Variants in NUP98 observed in about 807,000 individuals in gnomAD.
The protein encoded by NUP98 is nuclear pore complex protein Nup98-Nup96.
Under a neutral mutation model 191.9 loss-of-function variants are expected in NUP98, and 26 were observed. The observed-to-expected ratio is 0.14, with a 90% CI of 0.10 to 0.19. The LOEUF (loss-of-function observed/expected upper bound fraction) is 0.19. Among genes scored for constraint, NUP98 ranks in the 10% least tolerant of loss-of-function variants. The pLI, the probability that NUP98 is intolerant of heterozygous loss-of-function variation, is 1.00. For missense variants in NUP98, 1,941 were observed against 2,178.8 expected (o/e 0.89, Z 2.17); for synonymous variants, 808 against 778.4 (o/e 1.04, Z -0.63).
At chr11:3,753,112 G>A (rs1238083892) in intron 11 of NUP98, among the ~76,000 whole-genome samples, 1 of 152,142 alleles carries the variant, frequency 6.6e-6, no homozygotes, top group Non-Finnish European at 1.5e-5. Flanking sequence ...GTAGAAAAGG[G>A]AGCATACAGC....
chr11:3,743,945 G>C (rs1296705812), intron 12 of NUP98, among the ~76,000 whole-genome samples: 1 of 152,046 alleles, frequency 6.6e-6, no homozygotes, highest in African/African-American at 2.4e-5. Context: ...TGTAATCCCA[G>C]CTACTCAGGA....
At chr11:3,786,197 G>GA (rs1444509956) in intron 1 of NUP98, among the ~76,000 whole-genome samples, 1 of 152,210 alleles carries the variant, frequency 6.6e-6, no homozygotes, top group Non-Finnish European at 1.5e-5. Flanking sequence ...AGCTCCTAGA[G>GA]AAAGAACATT....
chr11:3,734,511 A>C (rs910363068), intron 13 of NUP98, among the ~76,000 whole-genome samples: 1 of 152,224 alleles, frequency 6.6e-6, no homozygotes, highest in South Asian at 2.1e-4. Context: ...ATTTTACAGA[A>C]GAAACAAATT....
At chr11:3,718,956 C>T (rs1415783833) in intron 18 of NUP98, among the ~76,000 whole-genome samples, 2 of 151,786 alleles carry the variant, frequency 1.3e-5, no homozygotes, top group African/African-American at 4.8e-5. Flanking sequence ...TCTGTCTCTA[C>T]TAAAAATACA....
chr11:3,792,589 T>A (rs1039061527), intron 1 of NUP98, among the ~76,000 whole-genome samples: 2 of 151,946 alleles, frequency 1.3e-5, no homozygotes, highest in Admixed American at 6.6e-5. Context: ...CCAGCCTGGG[T>A]GACAAAGCAA....
At chr11:3,700,580 T>A (rs1389378027) in intron 24 of NUP98, 30 bp downstream of exon 24, 1 of 1,488,398 alleles carries the variant, frequency 6.7e-7, no homozygotes, top group Non-Finnish European at 9.3e-7. Flanking sequence ...TATTGGGACA[T>A]CAAACATTAG....
chr11:3,706,473 G>A lies in NUP98; in HGVS notation c.2897C>T (p.Ser966Leu), dbSNP rs1355138353. ...TAAGACATGTGGATTAATTCCCAGT[G>A]AAGATGCAATATGTGTTGAGGCAGA... The part of the protein sequence containing the change: ...PVSASTHIAS[S>L]LGINPHVLQI... The change falls in exon 21 of 33, where the codon TCA (serine) becomes TTA (leucine). Residue 966 changes from serine (S) to leucine (L), a missense_variant. Physicochemically the swap from Ser to Leu is moderately radical, Grantham distance 145. Transcript: ENST00000324932. 1.2e-6 allele frequency: 2 copies of A among 1,614,122 alleles called. No homozygotes were observed. The highest frequency in any genetic ancestry group is 2.2e-5 in the East Asian group (1 of 44,878).
At chr11:3,698,956 G>A (rs2078596032) in intron 25 of NUP98, 126 bp downstream of exon 25, 1 of 1,037,494 alleles carries the variant, frequency 9.6e-7, no homozygotes, top group African/African-American at 1.6e-5. Flanking sequence ...CAATCTTTCT[G>A]GGAAGTCCGC....
chr11:3,720,975 AGTGTGTGTGTGTGT>A (rs55984201), intron 16 of NUP98, 150 bp from the exon 17 acceptor site: 15 of 324,496 alleles, frequency 4.6e-5, no homozygotes, highest in South Asian at 1.1e-4. Flanking sequence ...GGGGTGTGTG[AGTGTGTGTGTGTGT>A]GTGTGTGTGT....
chr11:3,725,190 T>C lies in NUP98; in HGVS notation c.1760A>G (p.Asn587Ser). The C allele has an allele frequency of 6.3e-7, 1 of 1,591,708 alleles. No homozygotes were observed. Among genetic ancestry groups the C allele is most frequent in the East Asian group, 2.2e-5 (1 of 44,662 alleles). ...KKSIKKLVLKNLNNSNLFSPV... is the reference protein window; with the variant it reads ...KKSIKKLVLKSLNNSNLFSPV... ...AGAAAAGAGATTGCTATTATTAAGG[T>C]TCTTCAAAACCAACTTCTTAATGCT... Residue 587 changes from asparagine (N) to serine (S), a missense_variant, in exon 15 of 33, where the codon AAC (asparagine) becomes AGC (serine). By Grantham distance (46) the Asn-to-Ser change is conservative (BLOSUM62 1). Coordinates refer to ENST00000324932, the MANE Select transcript of NUP98 (RefSeq NM_016320.5).
At chr11:3,719,315 A>G (rs1589800715) in intron 18 of NUP98, 97 bp downstream of exon 18, 1 of 940,530 alleles carries the variant, frequency 1.1e-6, no homozygotes, top group East Asian at 2.7e-5. Flanking sequence ...TAGTAAGGAA[A>G]GCAAGCTACA....
intron 13 of NUP98, among the ~76,000 whole-genome samples, chr11:3,733,310 TTTTC>T (rs764971267): frequency 1.2e-4 from 18 of 152,216 alleles, no homozygotes; most frequent in Non-Finnish European, 2.6e-4. Flanking sequence ...TCACTTAACG[TTTTC>T]TTTCTTTTTG....
chr11:3,730,341 T>C (rs1182711643), intron 14 of NUP98, among the ~76,000 whole-genome samples: 1 of 152,090 alleles, frequency 6.6e-6, no homozygotes, highest in East Asian at 1.9e-4. Flanking sequence ...CTTTCCATCT[T>C]TGGTGAAGCA....
chr11:3,704,307 T>G (rs1000601467), intron 22 of NUP98, among the ~76,000 whole-genome samples: 12 of 152,236 alleles, frequency 7.9e-5, no homozygotes, highest in South Asian at 4.1e-4. Flanking sequence ...ATGTTGAAAC[T>G]ACATCTGCTT....
intron 2 of NUP98, among the ~76,000 whole-genome samples, chr11:3,781,238 G>T (rs1052894033): frequency 2.0e-5 from 3 of 150,412 alleles, no homozygotes; most frequent in Admixed American, 1.3e-4. Flanking sequence ...AAGTTTCTGG[G>T]ATTTAATTTA....
At chr11:3,795,887 T>C (rs887071637) in intron 1 of NUP98, among the ~76,000 whole-genome samples, 8 of 152,318 alleles carry the variant, frequency 5.3e-5, no homozygotes, top group African/African-American at 1.9e-4. Flanking sequence ...GTTTATGCTT[T>C]GTCATCTATA....
intron 28 of NUP98, 87 bp downstream of exon 28, chr11:3,691,260 G>A: frequency 7.1e-7 from 1 of 1,416,792 alleles, no homozygotes; most frequent in Non-Finnish European, 9.8e-7. Context: ...GCAATCTGGG[G>A]ACATATAAAA....
At chr11:3,781,645 C>A (rs1338241522) in intron 2 of NUP98, among the ~76,000 whole-genome samples, 1 of 152,020 alleles carries the variant, frequency 6.6e-6, no homozygotes, top group East Asian at 1.9e-4. Context: ...TTAGACACTT[C>A]CACATTTTAA....
chr11:3,690,342 C>T (rs1285945593), intron 28 of NUP98, among the ~76,000 whole-genome samples: 6 of 151,644 alleles, frequency 4.0e-5, no homozygotes, highest in Admixed American at 2.0e-4. Context: ...TCACTGCAAG[C>T]TCTGCCTCCC....
Sources: allele counts gnomAD v4.1 joint callset (sites outside exome capture counted in the v4.1 genomes callset), GRCh38; gene constraint gnomAD v4.1.1; transcripts MANE v1.5; gene names NCBI Gene and HGNC (gene_info 2026-07-23, HGNC 2026-07-21).